P2RY8: variants seen among roughly 807,000 people sequenced by gnomAD.
P2RY8 encodes S-geranylgeranyl-glutathione receptor P2RY8.
Under a neutral mutation model 10.0 loss-of-function variants are expected in P2RY8, and 6 were observed. That is an observed-to-expected ratio of 0.60 (90% CI 0.33 to 1.19). The LOEUF (loss-of-function observed/expected upper bound fraction) is 1.19, where lower values mean the gene tolerates loss of function less well. Among genes scored for constraint, P2RY8 ranks in the 50% most tolerant of loss-of-function variants. P2RY8 has a pLI of 0.04. For synonymous variants in P2RY8, 276 were observed against 252.5 expected (o/e 1.09, Z -0.88); for missense variants, 456 against 542.0 (o/e 0.84, Z 1.58).
intron 1 of P2RY8, among the ~76,000 whole-genome samples, chrX:1,472,079 C>G (rs763717760): frequency 1.3e-5 from 2 of 152,244 alleles, no homozygotes; most frequent in African/African-American, 4.8e-5. Context: ...GAAGACAAAA[C>G]AGACGCTGGC....
At position 1,521,944 on chromosome X, in the gene P2RY8, C is replaced by CTTTTTTTTTTTTTTTTTT. The variant is rs751056296; in HGVS notation, c.-25+14959_-25+14976dup. 1.0e-4 allele frequency among the ~76,000 whole-genome samples: 4 copies of CTTTTTTTTTTTTTTTTTT among 39,030 alleles called. 1 individual carries two copies. The highest frequency in any genetic ancestry group is 9.4e-4 in the Admixed American group (2 of 2,132). The allele number at this position is 39,030 out of a possible 152,430, so 25.6% of individuals were successfully genotyped here. The stretch of plus-strand genomic sequence containing the variant: ...TGTCTTTCTCTTTCTCTCTCGCTCT[C>CTTTTTTTTTTTTTTTTTT]TTTTTTTTTTTTTTTTTTTTTTTTT... On this transcript the variant is annotated intron_variant, in intron 1 of 1. Transcript: ENST00000381297.
At chrX:1,479,027 C>T (rs1197827722) in intron 1 of P2RY8, among the ~76,000 whole-genome samples, 4 of 152,310 alleles carry the variant, frequency 2.6e-5, no homozygotes, top group Middle Eastern at 6.8e-3. Flanking sequence ...CTCTTCTGAA[C>T]TTCCAGACAC....
At chrX:1,532,269 C>T (rs1411642164) in intron 1 of P2RY8, among the ~76,000 whole-genome samples, 1 of 150,772 alleles carries the variant, frequency 6.6e-6, no homozygotes. Context: ...CTGACACACA[C>T]ACAAACACAC....
chrX:1,536,550 C>A (rs2092528821), intron 1 of P2RY8, among the ~76,000 whole-genome samples: 1 of 151,956 alleles, frequency 6.6e-6, no homozygotes, highest in Non-Finnish European at 1.5e-5. Flanking sequence ...GCACCTGCCA[C>A]CACGCCTGGC....
At chrX:1,509,474 A>G (rs1160806714) in intron 1 of P2RY8, among the ~76,000 whole-genome samples, 1 of 138,028 alleles carries the variant, frequency 7.2e-6, no homozygotes, top group Non-Finnish European at 1.5e-5. Context: ...GTATGTGTCT[A>G]TCATCTATGC....
intron 1 of P2RY8, among the ~76,000 whole-genome samples, chrX:1,505,968 G>C (rs1172609765): frequency 1.4e-5 from 2 of 147,160 alleles, no homozygotes; most frequent in Non-Finnish European, 3.0e-5. Flanking sequence ...ATTGAACAAA[G>C]CATCTTAATT....
rs745587509 is a variant in P2RY8 at position 1,531,216 on chromosome X, G to T, written c.-25+5705C>A. 8.5e-5 allele frequency among the ~76,000 whole-genome samples: 13 copies of T among 152,206 alleles called. No homozygotes were observed. The South Asian group carries it at 2.3e-3, about 27-fold the overall frequency. On this transcript the variant is annotated intron_variant, in intron 1 of 1. Transcript: ENST00000381297. ...ATTGTCACAACTGTGGGTGCTCCTG[G>T]CACCTTGTGGCTGGAGCCCAGGGAC...
At chrX:1,498,197 G>A (rs2092135693) in intron 1 of P2RY8, among the ~76,000 whole-genome samples, 1 of 151,856 alleles carries the variant, frequency 6.6e-6, no homozygotes, top group Non-Finnish European at 1.5e-5. Flanking sequence ...GCGAGGTCAG[G>A]AGATCAAGAC....
At position 1,518,237 on chromosome X, in the gene P2RY8, C is replaced by T. The variant is rs1306995731; in HGVS notation, c.-25+18684G>A. ...GGTCAGGAGTTCGAGACCATCCTGG[C>T]CAACATGGTGAAACCCCGTCTCTAC... is the stretch of plus-strand genomic sequence containing the variant. On this transcript the variant is annotated intron_variant, in intron 1 of 1. Transcript: ENST00000381297. 5.3e-5 allele frequency among the ~76,000 whole-genome samples: 8 copies of T among 151,488 alleles called. No individual in the cohort carries two copies. The East Asian group carries it at 1.4e-3, about 26-fold the overall frequency.
In P2RY8 at chrX:1,462,607, T is replaced by A. The variant is rs1182817060; in HGVS notation, c.*2872A>T. ...GCACTTCAAAGCTCATGTTTTTTTT[T>A]AATGTTTTATTTTTATTTTTTACAG... On this transcript the variant is annotated 3_prime_UTR_variant, in exon 2 of 2. Transcript: ENST00000381297. The A allele has an allele frequency of 2.2e-5, 5 of 223,574 alleles. No homozygotes were observed. The highest frequency in any genetic ancestry group is 9.2e-5 in the African/African-American group (4 of 43,344). 13.8% of individuals were successfully genotyped at this position (223,574 alleles called of 1,614,324 possible).
At chrX:1,528,652 A>G (rs1345034832) in intron 1 of P2RY8, among the ~76,000 whole-genome samples, 1 of 151,788 alleles carries the variant, frequency 6.6e-6, no homozygotes, top group Non-Finnish European at 1.5e-5. Flanking sequence ...GTCTCTTTGA[A>G]TGCGTGTGGG....
intron 1 of P2RY8, among the ~76,000 whole-genome samples, chrX:1,508,353 C>G (rs2092254174): frequency 6.6e-6 from 1 of 152,162 alleles, no homozygotes; most frequent in South Asian, 2.1e-4. Flanking sequence ...GGAGGAGCTC[C>G]TGGCATCTGG....
intron 1 of P2RY8, among the ~76,000 whole-genome samples, chrX:1,467,323 TACAA>T (rs1406205176): frequency 6.6e-6 from 1 of 152,212 alleles, no homozygotes; most frequent in East Asian, 1.9e-4. Context: ...CCAACTGCTC[TACAA>T]ACAGCTTCCT....
chrX:1,470,468 G>A (rs1360721862), intron 1 of P2RY8, among the ~76,000 whole-genome samples: 6 of 151,278 alleles, frequency 4.0e-5, no homozygotes, highest in African/African-American at 1.5e-4. Flanking sequence ...GCAGTGAGCC[G>A]AGATCACACC....
intron 1 of P2RY8, among the ~76,000 whole-genome samples, chrX:1,497,079 CGTG>C (rs2092124065): frequency 2.0e-5 from 3 of 150,292 alleles, no homozygotes; most frequent in Non-Finnish European, 4.4e-5. Context: ...ATTAGCCAGG[CGTG>C]GTGGTGGCGG....
chrX:1,478,951 G>A (rs1280349328), intron 1 of P2RY8, among the ~76,000 whole-genome samples: 1 of 152,008 alleles, frequency 6.6e-6, no homozygotes, highest in African/African-American at 2.4e-5. Flanking sequence ...AATAAAACCG[G>A]GGTTGATACC....
Position 1,465,705 on chromosome X carries a change from T to C in P2RY8, c.854A>G (p.Asn285Ser). The part of the protein sequence containing the change: ...YKLTLCLSCL[N>S]NCLDPFVYYF... The stretch of plus-strand genomic sequence containing the variant: ...ATAAACAAACGGGTCCAGACAGTTG[T>C]TGAGGCAGCTGAGACACAGCGTGAG... The change falls in exon 2 of 2, where the codon AAC becomes AGC. Residue 285 changes from asparagine (N) to serine (S), a missense_variant. Transcript: ENST00000381297. 1 of 1,613,724 alleles carries C rather than the reference T, an allele frequency of 6.2e-7. No individual in the cohort carries two copies. The highest frequency in any genetic ancestry group is 8.5e-7 in the Non-Finnish European group (1 of 1,179,840).
chrX:1,504,136 T>A (rs2092206836), intron 1 of P2RY8, among the ~76,000 whole-genome samples: 1 of 151,130 alleles, frequency 6.6e-6, no homozygotes, highest in Non-Finnish European at 1.5e-5. Context: ...TCCAATATGA[T>A]GAAACCCCGT....
chrX:1,504,011 A>G, intron 1 of P2RY8, among the ~76,000 whole-genome samples: 1 of 152,132 alleles, frequency 6.6e-6, no homozygotes, highest in African/African-American at 2.4e-5. Context: ...CTGTAAAGGA[A>G]CTGTCTTTAA....
Sources: gnomAD v4.1 joint callset for allele counts (sites outside exome capture counted in the v4.1 genomes callset) on GRCh38, gnomAD v4.1.1 for gene constraint, MANE v1.5 for transcripts, NCBI Gene and HGNC (gene_info 2026-07-23, HGNC 2026-07-21) for gene names.